Variants in CDH20 observed in about 807,000 individuals in gnomAD.
The protein encoded by CDH20 is cadherin-20.
In CDH20, 29 loss-of-function variants were observed where a neutral mutation model predicts 74.2. The observed-to-expected ratio is 0.39, with a 90% confidence interval of 0.29 to 0.53. The LOEUF (loss-of-function observed/expected upper bound fraction) is 0.53, where lower values mean the gene tolerates loss of function less well. Among genes scored for constraint, CDH20 ranks in the 20% least tolerant of loss-of-function variants. The probability of loss-of-function intolerance (pLI) is 0.69; values close to 1 mark genes in which losing one functional copy is unlikely to be tolerated. For synonymous variants in CDH20, 469 were observed against 405.4 expected, an observed-to-expected ratio of 1.16 and a Z score of -1.88; for missense variants, 988 against 1,048.3, an observed-to-expected ratio of 0.94 and a Z score of 0.79.
At chr18:61,429,049 T>C (rs1568135553) in intron 1 of CDH20, among the ~76,000 whole-genome samples, 1 of 152,090 alleles carries the variant, frequency 6.6e-6, no homozygotes, top group South Asian at 2.1e-4. Flanking sequence ...AACACACCAG[T>C]GGAGAGCGTT....
intron 1 of CDH20, among the ~76,000 whole-genome samples, chr18:61,350,681 G>A (rs1181815112): frequency 6.6e-6 from 1 of 152,092 alleles, no homozygotes; most frequent in African/African-American, 2.4e-5. Context: ...TCTATTTCTT[G>A]CTCACCTCAT....
chr18:61,496,595 G>A (rs1911170822), intron 2 of CDH20, among the ~76,000 whole-genome samples: 1 of 151,952 alleles, frequency 6.6e-6, no homozygotes, highest in African/African-American at 2.4e-5. Context: ...CCTGTGGTGA[G>A]CTCTGCCGCT....
chr18:61,441,734 A>G (rs1909040043), intron 1 of CDH20, among the ~76,000 whole-genome samples: 1 of 152,158 alleles, frequency 6.6e-6, no homozygotes, highest in Admixed American at 6.6e-5. Flanking sequence ...ATCCTACAGA[A>G]TATTTTCTAT....
intron 8 of CDH20, among the ~76,000 whole-genome samples, 171 bp from the exon 9 acceptor site, chr18:61,538,853 C>T (rs542071419): frequency 2.0e-5 from 3 of 151,868 alleles, no homozygotes; most frequent in Admixed American, 6.6e-5. Flanking sequence ...AGGATGGTCT[C>T]GATCTCCTGA....
At chr18:61,531,512 T>C (rs1310191337) in intron 7 of CDH20, among the ~76,000 whole-genome samples, 2 of 152,262 alleles carry the variant, frequency 1.3e-5, no homozygotes, top group African/African-American at 4.8e-5. Context: ...AATTCAATTC[T>C]GAAAATAGTA....
intron 1 of CDH20, among the ~76,000 whole-genome samples, chr18:61,432,698 G>A (rs1486927104): frequency 6.6e-6 from 1 of 152,138 alleles, no homozygotes; most frequent in Non-Finnish European, 1.5e-5. Context: ...ACAGAGCTGT[G>A]CACACACAGT....
intron 1 of CDH20, among the ~76,000 whole-genome samples, chr18:61,392,709 A>G (rs1911835092): frequency 6.6e-6 from 1 of 152,064 alleles, no homozygotes; most frequent in African/African-American, 2.4e-5. Flanking sequence ...AAAGGCTAGA[A>G]TAAGGATTTG....
chr18:61,521,872 C>A (rs1390673054), intron 6 of CDH20, among the ~76,000 whole-genome samples: 1 of 152,118 alleles, frequency 6.6e-6, no homozygotes, highest in Non-Finnish European at 1.5e-5. Context: ...AAATTCAATA[C>A]CCCTTCATGC....
chr18:61,428,120 C>T (rs79355794), intron 1 of CDH20, among the ~76,000 whole-genome samples: 5,818 of 152,298 alleles, frequency 0.038, 143 homozygotes, highest in East Asian at 0.078. Context: ...AAGAGACACT[C>T]TTTTCTCCCT....
chr18:61,539,937 A>G (rs1187537547), intron 9 of CDH20, among the ~76,000 whole-genome samples: 1 of 152,206 alleles, frequency 6.6e-6, no homozygotes, highest in Non-Finnish European at 1.5e-5. Flanking sequence ...ATCTTCAGAG[A>G]CATATTTGTG....
At chr18:61,542,461 A>G (rs1913073566) in intron 9 of CDH20, among the ~76,000 whole-genome samples, 1 of 152,184 alleles carries the variant, frequency 6.6e-6, no homozygotes, top group Non-Finnish European at 1.5e-5. Flanking sequence ...GGACTGGGCA[A>G]AAGAAGTCCA....
chr18:61,429,653 C>T (rs936407294), intron 1 of CDH20, among the ~76,000 whole-genome samples: 2 of 152,148 alleles, frequency 1.3e-5, no homozygotes, highest in African/African-American at 4.8e-5. Flanking sequence ...CACCTCTTCT[C>T]CCCAGCACAC....
intron 1 of CDH20, among the ~76,000 whole-genome samples, chr18:61,366,109 A>G (rs957469027): frequency 5.9e-5 from 9 of 152,182 alleles, no homozygotes; most frequent in African/African-American, 1.9e-4. Context: ...TTTATCAATT[A>G]ATCTGTAATG....
At chr18:61,502,807 T>A in intron 4 of CDH20, 146 bp from the exon 5 acceptor site, 1 of 585,996 alleles carries the variant, frequency 1.7e-6, no homozygotes, top group East Asian at 3.0e-5. Context: ...GAAGCTGAGA[T>A]TTTTTTACCT....
intron 1 of CDH20, among the ~76,000 whole-genome samples, chr18:61,375,762 A>T (rs1294240829): frequency 6.6e-6 from 1 of 151,976 alleles, no homozygotes; most frequent in African/African-American, 2.4e-5. Context: ...CATATGCCAG[A>T]CACTGCCCTT....
At chr18:61,459,425 G>A (rs1223520913) in intron 1 of CDH20, among the ~76,000 whole-genome samples, 1 of 152,162 alleles carries the variant, frequency 6.6e-6, no homozygotes, top group Non-Finnish European at 1.5e-5. Flanking sequence ...AGGGGGAAGA[G>A]GAAGTGGTGG....
intron 1 of CDH20, among the ~76,000 whole-genome samples, chr18:61,402,873 T>C (rs1333501092): frequency 6.6e-6 from 1 of 152,210 alleles, no homozygotes. Flanking sequence ...CATGTTATCG[T>C]GCATTCTGAA....
intron 2 of CDH20, among the ~76,000 whole-genome samples, chr18:61,491,673 A>G (rs995784431): frequency 6.6e-6 from 1 of 152,076 alleles, no homozygotes; most frequent in Non-Finnish European, 1.5e-5. Context: ...TGTCTACCCA[A>G]GTTCTTTCCC....
rs144640989 is a variant in CDH20 at position 61,435,871 on chromosome 18, C to T, written c.-152-54531C>T. The stretch of plus-strand genomic sequence containing the variant: ...TGTAACAATCACCACAATTAATTTT[C>T]GGACATTTTCAATACCCCAAAAAGA... On this transcript the variant is annotated intron_variant, in intron 1 of 11. Coordinates refer to ENST00000262717, the MANE Select transcript of CDH20 (RefSeq NM_031891.4). Among the ~76,000 whole-genome samples, 795 of 152,042 alleles carry T rather than the reference C, an allele frequency of 5.2e-3. 9 individuals carry two copies. The highest frequency in any genetic ancestry group is 0.018 in the African/African-American group (758 of 41,494).
Sources: gnomAD v4.1 joint callset for allele counts (sites outside exome capture counted in the v4.1 genomes callset) on GRCh38, gnomAD v4.1.1 for gene constraint, MANE v1.5 for transcripts, NCBI Gene and HGNC (gene_info 2026-07-23, HGNC 2026-07-21) for gene names.